The following CCDC195 variants were observed in gnomAD, a reference collection of about 807,000 sequenced individuals.
CCDC195 encodes coiled-coil domain containing 195.
At chr2:224,710,818 A>G (rs1331654389) in intron 1 of CCDC195, among the ~76,000 whole-genome samples, 1 of 152,198 alleles carries the variant, frequency 6.6e-6, no homozygotes, top group Non-Finnish European at 1.5e-5. Context: ...GAATTCACAT[A>G]GTAATACATT....
exon 3 of CCDC195, chr2:224,703,819 G>T (rs985730385): frequency 2.5e-6 from 1 of 398,520 alleles, no homozygotes; most frequent in South Asian, 1.3e-4. Flanking sequence ...GTGTTTCAAA[G>T]AACTTGAATT....
chr2:224,705,882 T>G (rs1038459843), intron 2 of CCDC195, among the ~76,000 whole-genome samples: 1 of 152,182 alleles, frequency 6.6e-6, no homozygotes, highest in Non-Finnish European at 1.5e-5. Flanking sequence ...AGTTGGCAGC[T>G]TGGAAGTTGG....
chr2:224,704,039 A>T (rs1215978689), intron 2 of CCDC195, among the ~76,000 whole-genome samples, 152 bp from the exon 3 acceptor site: 1 of 152,252 alleles, frequency 6.6e-6, no homozygotes, highest in East Asian at 1.9e-4. Context: ...AAGTTGTTCA[A>T]CAATGATGTA....
intron 2 of CCDC195, among the ~76,000 whole-genome samples, chr2:224,704,589 C>CTTTTT (rs34251679): frequency 6.3e-5 from 8 of 126,722 alleles, no homozygotes; most frequent in African/African-American, 2.4e-4. Context: ...ACAGCTGCAC[C>CTTTTT]TTTTTTTTTT....
At chr2:224,713,608 C>T (rs916181874) in intron 1 of CCDC195, among the ~76,000 whole-genome samples, 2 of 152,174 alleles carry the variant, frequency 1.3e-5, no homozygotes, top group Non-Finnish European at 2.9e-5. Context: ...CAGGTGTCTT[C>T]ATGCTCAGGA....
intron 1 of CCDC195, among the ~76,000 whole-genome samples, chr2:224,712,837 G>A (rs1689331422): frequency 6.6e-6 from 1 of 152,048 alleles, no homozygotes; most frequent in Non-Finnish European, 1.5e-5. Context: ...TCTACTGGAT[G>A]ATCTCTTCCC....
intron 1 of CCDC195, among the ~76,000 whole-genome samples, chr2:224,714,028 G>A (rs2124854522): frequency 6.6e-6 from 1 of 151,820 alleles, no homozygotes; most frequent in East Asian, 1.9e-4. Flanking sequence ...TTGTAGAGAT[G>A]GCGGTCTCAC....
At chr2:224,706,310 A>T (rs1189759990) in intron 2 of CCDC195, among the ~76,000 whole-genome samples, 1 of 141,480 alleles carries the variant, frequency 7.1e-6, no homozygotes, top group Non-Finnish European at 1.5e-5. Flanking sequence ...GGTTCAAGCA[A>T]TTCTCTGTCT....
chr2:224,715,939 T>C (rs1022144680), intron 1 of CCDC195, among the ~76,000 whole-genome samples, 192 bp downstream of exon 1: 2 of 152,244 alleles, frequency 1.3e-5, no homozygotes, highest in Non-Finnish European at 2.9e-5. Context: ...AGTGTTGCTA[T>C]AATGTGTTGC....
At chr2:224,713,418 C>A (rs2124854000) in intron 1 of CCDC195, among the ~76,000 whole-genome samples, 1 of 152,284 alleles carries the variant, frequency 6.6e-6, no homozygotes, top group South Asian at 2.1e-4. Context: ...CTCCATTTTA[C>A]AGATGAAGAG....
intron 1 of CCDC195, among the ~76,000 whole-genome samples, chr2:224,715,168 C>G (rs1043448479): frequency 1.3e-5 from 2 of 152,102 alleles, no homozygotes; most frequent in Non-Finnish European, 2.9e-5. Context: ...ACCTCATCAC[C>G]CATCCACCTT....
At chr2:224,706,249 A>G (rs1274254457) in intron 2 of CCDC195, among the ~76,000 whole-genome samples, 5 of 103,014 alleles carry the variant, frequency 4.9e-5, no homozygotes, top group African/African-American at 2.0e-4. Context: ...TCTGTCACCC[A>G]GGCTGGAGTG....
At chr2:224,709,449 C>T (rs1259594390) in intron 2 of CCDC195, among the ~76,000 whole-genome samples, 1 of 152,156 alleles carries the variant, frequency 6.6e-6, no homozygotes, top group Non-Finnish European at 1.5e-5. Context: ...AATTGGTTTT[C>T]TCTTTGTCTC....
At chr2:224,714,207 T>C (rs570766517) in intron 1 of CCDC195, among the ~76,000 whole-genome samples, 20 of 152,312 alleles carry the variant, frequency 1.3e-4, no homozygotes, top group Non-Finnish European at 2.5e-4. Flanking sequence ...GCTGAAGAAG[T>C]ATGATATCAA....
At chr2:224,714,149 C>A (rs971401892) in intron 1 of CCDC195, among the ~76,000 whole-genome samples, 3 of 152,046 alleles carry the variant, frequency 2.0e-5, no homozygotes, top group South Asian at 4.1e-4. Context: ...CTCACCAATC[C>A]TTTTCAAAGT....
intron 2 of CCDC195, among the ~76,000 whole-genome samples, chr2:224,706,913 A>ACACG (rs1553548861): frequency 6.6e-6 from 1 of 151,472 alleles, no homozygotes; most frequent in Non-Finnish European, 1.5e-5. Context: ...ATATACACAC[A>ACACG]CGCGCACTTT....
chr2:224,712,859 C>T (rs1689331750), intron 1 of CCDC195, among the ~76,000 whole-genome samples: 1 of 150,846 alleles, frequency 6.6e-6, no homozygotes, highest in Non-Finnish European at 1.5e-5. Context: ...CCCTCCCTTC[C>T]TTCCTTCCTT....
chr2:224,705,562 T>A (rs573696913), intron 2 of CCDC195, among the ~76,000 whole-genome samples: 24 of 152,344 alleles, frequency 1.6e-4, no homozygotes, highest in Middle Eastern at 3.4e-3. Flanking sequence ...AAATTGGTTC[T>A]TGATAAATAT....
intron 1 of CCDC195, among the ~76,000 whole-genome samples, chr2:224,714,853 A>C (rs1559323510): frequency 6.6e-6 from 1 of 152,190 alleles, no homozygotes; most frequent in Non-Finnish European, 1.5e-5. Flanking sequence ...CTCATTAGAG[A>C]GACACATCTC....
Sources: allele counts gnomAD v4.1 joint callset (sites outside exome capture counted in the v4.1 genomes callset), GRCh38; gene constraint gnomAD v4.1.1; transcripts MANE v1.5; gene names NCBI Gene and HGNC (gene_info 2026-07-23, HGNC 2026-07-21).